Variants in MEIOB observed in about 807,000 individuals in gnomAD.
MEIOB encodes meiosis-specific with OB domain-containing protein.
MEIOB carries 50 observed loss-of-function variants against 53.1 expected under a neutral mutation model. The ratio of observed to expected loss-of-function variants is 0.94; its 90% CI spans 0.75 to 1.19. The LOEUF (loss-of-function observed/expected upper bound fraction) is 1.19, where lower values mean the gene tolerates loss of function less well. Among genes scored for constraint, MEIOB ranks in the 50% most tolerant of loss-of-function variants. The pLI is 0.00. For synonymous variants in MEIOB, 192 were observed against 182.5 expected (o/e 1.05, Z -0.42); for missense variants, 551 against 550.8 (o/e 1.00, Z 0.00).
At chr16:1,838,338 G>T (rs1460109289) in intron 12 of MEIOB, among the ~76,000 whole-genome samples, 1 of 152,096 alleles carries the variant, frequency 6.6e-6, no homozygotes, top group Non-Finnish European at 1.5e-5. Context: ...GGCAGGAAAG[G>T]CTATATAAGC....
chr16:1,843,269 G>A (rs950486657), intron 10 of MEIOB, among the ~76,000 whole-genome samples: 4 of 151,026 alleles, frequency 2.6e-5, no homozygotes, highest in African/African-American at 9.7e-5. Flanking sequence ...CTCCAACCCG[G>A]GCGACAGAGC....
chr16:1,870,715 A>C (rs549494995), intron 1 of MEIOB, among the ~76,000 whole-genome samples: 19 of 152,334 alleles, frequency 1.2e-4, no homozygotes. Context: ...TCAGTGCCAG[A>C]AGAAACATTT....
At position 1,868,159 on chromosome 16, in the gene MEIOB, G is replaced by C. The variant is rs927900984; in HGVS notation, c.17C>G (p.Ala6Gly). 3 of 1,529,022 alleles carry C rather than the reference G, an allele frequency of 2.0e-6. No homozygotes were observed. The highest frequency in any genetic ancestry group is 3.9e-5 in the Admixed American group (2 of 50,788). 94.7% of individuals were successfully genotyped at this position (1,529,022 alleles called of 1,614,324 possible). A position where few individuals can be genotyped will look rare whatever the true frequency, so the allele number is the denominator to read the frequency against. Residue 6 changes from alanine to glycine, a missense_variant, in exon 2 of 14, where the codon GCA becomes GGA. By Grantham distance (60) the Ala-to-Gly change is moderately conservative. Transcript: ENST00000325962. The stretch of plus-strand genomic sequence containing the variant: ...TGAAAGGGTAGTGAAAATCCTCGCT[G>C]CAAAGGAGTTTGCCATTTTTTTAAT... MANSF[A>G]ARIFTTLSDL... is the part of the protein sequence containing the mutation.
At chr16:1,859,409 C>T (rs1352900624) in intron 5 of MEIOB, among the ~76,000 whole-genome samples, 1 of 151,966 alleles carries the variant, frequency 6.6e-6, no homozygotes, top group African/African-American at 2.4e-5. Flanking sequence ...GGGTGTGGGG[C>T]GTGTGCCTGT....
At chr16:1,868,552 T>C (rs72764809) in intron 1 of MEIOB, among the ~76,000 whole-genome samples, 3 of 4,894 alleles carry the variant, frequency 6.1e-4, no homozygotes, top group African/African-American at 7.8e-4. Context: ...CAAAATAAAA[T>C]AAAATAAAAT....
intron 10 of MEIOB, among the ~76,000 whole-genome samples, chr16:1,842,564 G>T (rs1248142626): frequency 7.4e-6 from 1 of 135,574 alleles, no homozygotes; most frequent in East Asian, 2.4e-4. Flanking sequence ...TGGAGGTTGT[G>T]GTGAGCCAAG....
chr16:1,854,110 C>G lies in MEIOB; in HGVS notation c.619G>C (p.Ala207Pro), dbSNP rs1899239286. The change falls in exon 7 of 14, where the codon GCG becomes CCG. Residue 207 changes from alanine to proline, a missense_variant. Transcript: ENST00000325962. ...GACATCGGTGTTTACCATGTCATCG[C>G]AAAAGACGACTCTGTTTCATCATAG... ...RLYDETESSF[A>P]MTCWDNESIL... 1.3e-6 allele frequency: 2 copies of G among 1,547,642 alleles called. No homozygotes were observed. Among genetic ancestry groups the G allele is most frequent in the Non-Finnish European group, 1.7e-6 (2 of 1,143,684 alleles).
Position 1,857,938 on chromosome 16 carries a change from G to A in MEIOB, c.333-8C>T, listed in dbSNP as rs1258279535. On this transcript the variant is annotated splice_polypyrimidine_tract_variant and splice_region_variant and intron_variant, in intron 5 of 13. Coordinates refer to ENST00000325962, the MANE Select transcript of MEIOB (RefSeq NM_001163560.3). ...AGCAACAGTTTACAGTTGCTAAATT[G>A]CAAAAACACAAGAAAGTTATTTGAA... 1 of 1,496,928 alleles carries A rather than the reference G, an allele frequency of 6.7e-7. No individual in the cohort carries two copies. The allele number at this position is 1,496,928 out of a possible 1,614,324, so 92.7% of individuals were successfully genotyped here.
At chr16:1,860,313 G>T in intron 5 of MEIOB, 90 bp downstream of exon 5, 2 of 658,410 alleles carry the variant, frequency 3.0e-6, no homozygotes, top group South Asian at 2.2e-5. Flanking sequence ...AATAGAAACA[G>T]AACACTTTTA....
chr16:1,835,312 A>G (rs767507914), intron 13 of MEIOB, among the ~76,000 whole-genome samples: 14 of 152,186 alleles, frequency 9.2e-5, no homozygotes, highest in Non-Finnish European at 1.6e-4. Flanking sequence ...TGTGTGTTCA[A>G]ACTACCAACT....
At chr16:1,852,961 T>C (rs1899208359) in intron 9 of MEIOB, 78 bp downstream of exon 9, 1 of 889,996 alleles carries the variant, frequency 1.1e-6, no homozygotes, top group Non-Finnish European at 1.7e-6. Context: ...TGAATTTTCA[T>C]TCTTAAATAT....
At chr16:1,864,647 C>A (rs995343575) in intron 3 of MEIOB, among the ~76,000 whole-genome samples, 9 of 151,840 alleles carry the variant, frequency 5.9e-5, no homozygotes, top group Non-Finnish European at 1.3e-4. Flanking sequence ...TGCCACCATG[C>A]CTGACTAATT....
chr16:1,835,862 C>CT (rs34146401), intron 13 of MEIOB, among the ~76,000 whole-genome samples: 1,458 of 142,790 alleles, frequency 0.01, 7 homozygotes, highest in African/African-American at 0.015. Flanking sequence ...ATTCCTTTTT[C>CT]TTTTTTTTTT....
Position 1,862,020 on chromosome 16 carries a change from TTGA to T in MEIOB, c.221_223del (p.Ile74del). ...AACCCTAAAGCTGTCAGAAAGAGACTTGATGTAATCTTCATTGCCCCAGGAAGC... is the reference window on the plus strand; with the variant it reads ...AACCCTAAAGCTGTCAGAAAGAGACTTGTAATCTTCATTGCCCCAGGAAGC... On this transcript the variant is annotated inframe_deletion, in exon 4 of 14. Coordinates refer to ENST00000325962, the MANE Select transcript of MEIOB (RefSeq NM_001163560.3). The T allele has an allele frequency of 6.4e-7, 1 of 1,551,256 alleles. No homozygotes were observed. The highest frequency in any genetic ancestry group is 8.7e-7 in the Non-Finnish European group (1 of 1,146,782).
rs759315808 is a variant in MEIOB, at chr16:1,857,782, G to A, written c.481C>T (p.His161Tyr). The change falls in exon 6 of 14, where the codon CAC becomes TAC. Residue 161 changes from histidine to tyrosine, a missense_variant. By Grantham distance (83) the His-to-Tyr change is moderately conservative (BLOSUM62 2). Coordinates refer to ENST00000325962, the MANE Select transcript of MEIOB (RefSeq NM_001163560.3). ...YSLGDIVANG[H>Y]SLNGRIINVL... ...TTAATAATCCTCCCATTAAGACTGT[G>A]TCCATTTGCAACAATGTCACCCAGT... 6.4e-7 allele frequency: 1 copy of A among 1,551,936 alleles called. No homozygotes were observed.
intron 9 of MEIOB, among the ~76,000 whole-genome samples, chr16:1,845,271 G>A (rs1899002223): frequency 6.6e-6 from 1 of 152,184 alleles, no homozygotes; most frequent in Non-Finnish European, 1.5e-5. Context: ...TGTAATCCCA[G>A]CACTTTGGGA....
rs1450755715 is a variant in MEIOB, at chr16:1,834,446, A to G, written c.1306-80T>C. 6 of 741,944 alleles carry G rather than the reference A, an allele frequency of 8.1e-6. No individual in the cohort carries two copies. The Admixed American group carries it at 1.4e-4, about 17-fold the overall frequency. 46.0% of individuals were successfully genotyped at this position (741,944 alleles called of 1,614,324 possible). A position where few individuals can be genotyped will look rare whatever the true frequency, so the allele number is the denominator to read the frequency against. On this transcript the variant is annotated intron_variant, in intron 13 of 13. Transcript: ENST00000325962. ...ATATCAAGTTGAAAAATCAATGATC[A>G]CGAATAGAGAACTGCAATGAAAGTT...
intron 13 of MEIOB, among the ~76,000 whole-genome samples, chr16:1,835,549 G>A (rs11645599): frequency 0.18 from 27,041 of 152,106 alleles, 2,563 homozygotes; most frequent in South Asian, 0.27. Flanking sequence ...AAGACTTTAA[G>A]TGGGCAATAA....
chr16:1,848,980 G>A (rs980969343), intron 9 of MEIOB, among the ~76,000 whole-genome samples: 1 of 151,960 alleles, frequency 6.6e-6, no homozygotes, highest in Non-Finnish European at 1.5e-5. Context: ...CATCAGATAG[G>A]CAAAAGGTAT....
Sources: allele counts gnomAD v4.1 joint callset (sites outside exome capture counted in the v4.1 genomes callset), GRCh38; gene constraint gnomAD v4.1.1; transcripts MANE v1.5; gene names NCBI Gene and HGNC (gene_info 2026-07-23, HGNC 2026-07-21).